Variants in DLG1 observed in about 807,000 individuals in gnomAD.
DLG1 encodes the protein disks large homolog 1.
A neutral mutation model predicts 123.4 loss-of-function variants in DLG1; 42 were observed. The observed-to-expected ratio is 0.34, with a 90% confidence interval of 0.27 to 0.44. DLG1 has a LOEUF of 0.44. Among genes scored for constraint, DLG1 ranks in the 20% least tolerant of loss-of-function variants. The probability of loss-of-function intolerance (pLI) is 1.00; values close to 1 mark genes in which losing one functional copy is unlikely to be tolerated. For synonymous variants in DLG1, 317 were observed against 356.2 expected (o/e 0.89, Z 1.24); for missense variants, 942 against 1,082.6 (o/e 0.87, Z 1.82).
chr3:197,288,088 G>A (rs754539575), intron 3 of DLG1, among the ~76,000 whole-genome samples: 4 of 151,934 alleles, frequency 2.6e-5, no homozygotes, highest in Non-Finnish European at 5.9e-5. Context: ...TATATAGGCC[G>A]GGTGCAGTGG....
At position 197,250,547 on chromosome 3, in the gene DLG1, C is replaced by T. The variant is rs368556359; in HGVS notation, c.318+32132G>A. ...TCATGCCACTGCACTCCAGCCCTGG[C>T]GACAGAGTGAGACTCCGTCTCAAAA... On this transcript the variant is annotated intron_variant, in intron 4 of 24. Coordinates refer to ENST00000667157, the MANE Select transcript of DLG1 (RefSeq NM_001366207.1). 1.9e-3 allele frequency among the ~76,000 whole-genome samples: 275 copies of T among 145,080 alleles called. 2 individuals are homozygous for T. Among genetic ancestry groups the T allele is most frequent in the Admixed American group, 0.015 (211 of 14,300 alleles).
At chr3:197,143,003 T>C (rs936055138) in intron 6 of DLG1, among the ~76,000 whole-genome samples, 17 of 152,146 alleles carry the variant, frequency 1.1e-4, no homozygotes, top group African/African-American at 4.1e-4. Context: ...GATAGGTACA[T>C]TCAGCTTTTA....
intron 10 of DLG1, among the ~76,000 whole-genome samples, chr3:197,131,511 C>T (rs1161230018): frequency 6.9e-6 from 1 of 145,458 alleles, no homozygotes; most frequent in African/African-American, 2.5e-5. Flanking sequence ...TTTATTAGTT[C>T]TATTAGCAGG....
At chr3:197,101,479 G>A (rs1329141525) in intron 14 of DLG1, among the ~76,000 whole-genome samples, 2 of 151,354 alleles carry the variant, frequency 1.3e-5, no homozygotes, top group Non-Finnish European at 2.9e-5. Context: ...TCGGCCTCCC[G>A]GGTTCACGCC....
intron 3 of DLG1, among the ~76,000 whole-genome samples, chr3:197,288,813 G>A (rs987384295): frequency 2.0e-5 from 3 of 147,626 alleles, no homozygotes; most frequent in African/African-American, 7.5e-5. Context: ...GACATTTGTC[G>A]ATAAACTTTA....
chr3:197,140,102 A>G, intron 8 of DLG1, 38 bp downstream of exon 8: 1 of 1,595,242 alleles, frequency 6.3e-7, no homozygotes, highest in Non-Finnish European at 8.6e-7. Flanking sequence ...AAATACACAA[A>G]GTGGATTCAG....
intron 17 of DLG1, among the ~76,000 whole-genome samples, chr3:197,079,463 T>C (rs913535991): frequency 6.6e-6 from 1 of 152,308 alleles, no homozygotes; most frequent in Admixed American, 6.5e-5. Context: ...ATGCATAGTT[T>C]TGGTGCTGTG....
At chr3:197,053,732 C>T (rs1395214626) in intron 23 of DLG1, among the ~76,000 whole-genome samples, 1 of 149,254 alleles carries the variant, frequency 6.7e-6, no homozygotes, top group Non-Finnish European at 1.5e-5. Context: ...TGAGAATGAG[C>T]CACTGCACTC....
At chr3:197,277,756 A>G (rs1230884559) in intron 4 of DLG1, among the ~76,000 whole-genome samples, 1 of 152,064 alleles carries the variant, frequency 6.6e-6, no homozygotes, top group Non-Finnish European at 1.5e-5. Context: ...TTAAGTCTAT[A>G]TCCTTTCTTA....
chr3:197,187,729 C>T (rs1716916331), intron 5 of DLG1, among the ~76,000 whole-genome samples: 1 of 152,078 alleles, frequency 6.6e-6, no homozygotes, highest in African/African-American at 2.4e-5. Flanking sequence ...TTTATTTGTT[C>T]GATTTACTGT....
intron 6 of DLG1, among the ~76,000 whole-genome samples, chr3:197,147,854 G>A (rs1478790347): frequency 2.8e-5 from 4 of 144,940 alleles, no homozygotes; most frequent in Admixed American, 7.1e-5. Flanking sequence ...ATAAAATCCT[G>A]AAGTTTCCCA....
intron 4 of DLG1, among the ~76,000 whole-genome samples, chr3:197,207,150 C>G (rs540539755): frequency 6.6e-6 from 1 of 152,200 alleles, no homozygotes; most frequent in Non-Finnish European, 1.5e-5. Flanking sequence ...GTCCTTTACG[C>G]AAAGTTTGCT....
chr3:197,074,057 C>T (rs983202355), intron 18 of DLG1, among the ~76,000 whole-genome samples: 2 of 152,108 alleles, frequency 1.3e-5, no homozygotes, highest in East Asian at 3.8e-4. Context: ...CATCCTTCTT[C>T]CCAGTATTTA....
At chr3:197,145,862 G>A (rs1790482982) in intron 6 of DLG1, among the ~76,000 whole-genome samples, 2 of 151,690 alleles carry the variant, frequency 1.3e-5, no homozygotes, top group Non-Finnish European at 2.9e-5. Flanking sequence ...CTCAGGGCGG[G>A]GGCCAAGGGG....
chr3:197,121,538 G>A (rs1050671134), intron 11 of DLG1, among the ~76,000 whole-genome samples: 3 of 151,836 alleles, frequency 2.0e-5, no homozygotes, highest in Non-Finnish European at 4.4e-5. Context: ...TTTTAATGTC[G>A]GCAGAGAAAC....
At chr3:197,144,026 C>G (rs1213217792) in intron 6 of DLG1, among the ~76,000 whole-genome samples, 2 of 152,180 alleles carry the variant, frequency 1.3e-5, no homozygotes, top group African/African-American at 4.8e-5. Context: ...AAAACTCTAT[C>G]TAAATCAAAT....
intron 18 of DLG1, chr3:197,070,608 C>G (rs1196269092): frequency 1.8e-5 from 2 of 112,126 alleles, no homozygotes; most frequent in Admixed American, 1.0e-4. Context: ...CCCTTTGTTG[C>G]CCAGGCTGGA....
At chr3:197,169,940 T>C (rs1163554219) in intron 5 of DLG1, among the ~76,000 whole-genome samples, 1 of 152,112 alleles carries the variant, frequency 6.6e-6, no homozygotes, top group Non-Finnish European at 1.5e-5. Context: ...CCGGCCCCAG[T>C]GTGTTGTTCC....
At chr3:197,165,110 C>A (rs1269153040) in intron 5 of DLG1, among the ~76,000 whole-genome samples, 2 of 152,104 alleles carry the variant, frequency 1.3e-5, no homozygotes, top group Non-Finnish European at 2.9e-5. Flanking sequence ...GGGGTGGGAT[C>A]ATGAGTGCCT....
Sources: gnomAD v4.1 joint callset for allele counts (sites outside exome capture counted in the v4.1 genomes callset) on GRCh38, gnomAD v4.1.1 for gene constraint, MANE v1.5 for transcripts, NCBI Gene and HGNC (gene_info 2026-07-23, HGNC 2026-07-21) for gene names.